Variants in CASZ1 observed in about 807,000 individuals in gnomAD.
CASZ1 encodes the protein castor zinc finger 1.
CASZ1 carries 28 observed loss-of-function variants against 135.2 expected under a neutral mutation model. The ratio of observed to expected loss-of-function variants is 0.21; its 90% CI spans 0.15 to 0.28. The LOEUF (loss-of-function observed/expected upper bound fraction) is 0.28, where lower values mean the gene tolerates loss of function less well. CASZ1 is among the 10% of genes least tolerant of loss of function. CASZ1 has a pLI of 1.00. For synonymous variants in CASZ1, 1,068 were observed against 1,073.4 expected (o/e 0.99, Z 0.10); for missense variants, 2,161 against 2,453.3 (o/e 0.88, Z 2.52).
Position 10,762,201 on chromosome 1 carries a change from A to G in CASZ1, c.-233-1344T>C, listed in dbSNP as rs1310483676. The stretch of plus-strand genomic sequence containing the variant: ...AGCTCTGCCCTACCTCGGCTGGGGC[A>G]ATGCCACCGAGACCAGCTCCCTGGG... On this transcript the variant is annotated intron_variant, in intron 1 of 20. Coordinates refer to ENST00000377022, the MANE Select transcript of CASZ1 (RefSeq NM_001079843.3). The surrounding 1 kb of genome is among the most constrained non-coding windows in gnomAD (Gnocchi z 4.1). Among the ~76,000 whole-genome samples, 4 of 148,770 alleles carry G rather than the reference A, an allele frequency of 2.7e-5. No individual in the cohort carries two copies. Among genetic ancestry groups the G allele is most frequent in the Admixed American group, 6.7e-5 (1 of 14,898 alleles).
At chr1:10,651,185 C>T (rs1355577014) in intron 11 of CASZ1, 109 bp from the exon 12 acceptor site, 3 of 881,040 alleles carry the variant, frequency 3.4e-6, no homozygotes, top group Non-Finnish European at 4.8e-6. Context: ...TGGGCCCCGG[C>T]TACTGGTCAG....
chr1:10,796,522 G>A (rs1042558856), intron 1 of CASZ1, 42 bp downstream of exon 1: 10 of 152,406 alleles, frequency 6.6e-5, no homozygotes, highest in Non-Finnish European at 1.3e-4. Flanking sequence ...GGAGCTGGGG[G>A]ACGTGGGGGG....
At chr1:10,732,765 G>A (rs1244523430) in intron 2 of CASZ1, among the ~76,000 whole-genome samples, 4 of 152,300 alleles carry the variant, frequency 2.6e-5, no homozygotes, top group Admixed American at 6.5e-5. Flanking sequence ...TGCAGGGGAC[G>A]TGGGATCCAG....
Position 10,653,671 on chromosome 1 carries a change from G to C in CASZ1, c.2386C>G (p.Pro796Ala). Reference sequence around the variant, plus strand: ...ATGGGGAAGTAGGGCGTGGGGGTGGGCAGGCCCGAGTTGGAGAGGGCCAGG... The same window carrying C: ...ATGGGGAAGTAGGGCGTGGGGGTGGCCAGGCCCGAGTTGGAGAGGGCCAGG... ...LALALSNSGL[P>A]TPTPYFPILA... Residue 796 changes from proline (P) to alanine (A), a missense_variant, in exon 11 of 21, where the codon CCC (proline) becomes GCC (alanine). By Grantham distance (27) the Pro-to-Ala change is conservative. This residue lies in a region of CASZ1 where 406 missense variants were observed against 387.6 expected (regional missense o/e 1.05). Coordinates refer to ENST00000377022, the MANE Select transcript of CASZ1 (RefSeq NM_001079843.3). The C allele has an allele frequency of 6.4e-7, 1 of 1,558,714 alleles. No homozygotes were observed. Among genetic ancestry groups the C allele is most frequent in the African/African-American group, 1.4e-5 (1 of 73,652 alleles).
At chr1:10,749,670 G>C (rs1329885889) in intron 2 of CASZ1, among the ~76,000 whole-genome samples, 1 of 152,070 alleles carries the variant, frequency 6.6e-6, no homozygotes, top group Non-Finnish European at 1.5e-5. Flanking sequence ...GGTTCTAAGT[G>C]GGGCCTCTTA....
Position 10,649,360 on chromosome 1 carries a change from G to T in CASZ1, c.2958C>A (p.Pro986=). The change falls in exon 14 of 21, where the codon CCC becomes CCA. Residue 986 remains proline (P), a synonymous_variant. Transcript: ENST00000377022. The part of the protein sequence containing the change: ...AEAEGSPAAE[P]SPFLGKAVKA... ...TCACGGCCTTGCCTAGGAAGGGCGA[G>T]GGCTCCGCAGCGGGGCTCCCCTCCG... 5 of 1,604,102 alleles carry T rather than the reference G, an allele frequency of 3.1e-6. No individual in the cohort carries two copies. The highest frequency in any genetic ancestry group is 4.3e-6 in the Non-Finnish European group (5 of 1,175,818).
Position 10,639,097 on chromosome 1 carries a change from C to T in CASZ1, c.5125G>A (p.Asp1709Asn), listed in dbSNP as rs1297496352. 2 of 1,138,506 alleles carry T rather than the reference C, an allele frequency of 1.8e-6. No homozygotes were observed. The highest frequency in any genetic ancestry group is 1.7e-5 in the African/African-American group (1 of 59,380). The allele number at this position is 1,138,506 out of a possible 1,614,324, so 70.5% of individuals were successfully genotyped here. Residue 1709 changes from aspartate to asparagine, a missense_variant, in exon 21 of 21, where the codon GAC becomes AAC. Physicochemically the swap from Asp to Asn is conservative, Grantham distance 23 (BLOSUM62 1). Transcript: ENST00000377022. This position sits in a 1 kb window ranked among gnomAD's most constrained non-coding sequence, Gnocchi z 4.0. The stretch of plus-strand genomic sequence containing the variant: ...GTGCGCAGGTCCTCGTCGTCGTCGT[C>T]CTCGTCGTCGTCCTCGTCGTCGTCG... Reference protein sequence around the residue: ...EDDDDEDDDEDDDDEDLRTDS... With the variant: ...EDDDDEDDDENDDDEDLRTDS...
At chr1:10,644,520 C>T (rs904400717) in intron 18 of CASZ1, among the ~76,000 whole-genome samples, 6 of 152,172 alleles carry the variant, frequency 3.9e-5, no homozygotes, top group Admixed American at 1.3e-4. Context: ...TAGCTCACTG[C>T]GGACAAAAAC....
At position 10,705,988 on chromosome 1, in the gene CASZ1, G is replaced by A. The variant is rs545652047; in HGVS notation, c.-76-444C>T. 3.3e-5 allele frequency among the ~76,000 whole-genome samples: 5 copies of A among 152,322 alleles called. No individual in the cohort carries two copies. In the South Asian group the frequency reaches 8.3e-4, roughly 25 times the overall value. On this transcript the variant is annotated intron_variant, in intron 2 of 20. Coordinates refer to ENST00000377022, the MANE Select transcript of CASZ1 (RefSeq NM_001079843.3). ...CAACTGCTCCTTTACTCTCTTCCCC[G>A]GGGCCCCTGAACATAAAAATGACAA...
At position 10,653,665 on chromosome 1, in the gene CASZ1, G is replaced by A; in HGVS notation, c.2392C>T (p.Pro798Ser). 1.3e-6 allele frequency: 2 copies of A among 1,557,604 alleles called. No homozygotes were observed. Among genetic ancestry groups the A allele is most frequent in the South Asian group, 2.4e-5 (2 of 81,824 alleles). The change falls in exon 11 of 21, where the codon CCC becomes TCC. Residue 798 changes from proline (P) to serine (S), a missense_variant. By Grantham distance (74) the Pro-to-Ser change is moderately conservative. Transcript: ENST00000377022. ...GCCAGTATGGGGAAGTAGGGCGTGGGGGTGGGCAGGCCCGAGTTGGAGAGG... is the reference window on the plus strand; with the variant it reads ...GCCAGTATGGGGAAGTAGGGCGTGGAGGTGGGCAGGCCCGAGTTGGAGAGG... The part of the protein sequence containing the change: ...LALSNSGLPT[P>S]TPYFPILAGR...
At chr1:10,773,888 C>G (rs778912733) in intron 1 of CASZ1, among the ~76,000 whole-genome samples, 3 of 152,228 alleles carry the variant, frequency 2.0e-5, no homozygotes, top group Non-Finnish European at 4.4e-5. Flanking sequence ...AGGGTGGGAG[C>G]AGCCCTGTCG....
At chr1:10,673,022 G>A (rs143353512) in intron 4 of CASZ1, among the ~76,000 whole-genome samples, 3,890 of 152,154 alleles carry the variant, frequency 0.026, 76 homozygotes, top group South Asian at 0.1. Context: ...AGGAAGGCAC[G>A]GTGGACGGCG....
chr1:10,641,311 C>G (rs1001971408), intron 20 of CASZ1, among the ~76,000 whole-genome samples: 3 of 152,232 alleles, frequency 2.0e-5, no homozygotes, highest in Admixed American at 1.3e-4. Flanking sequence ...TTCCAACAGC[C>G]GGAAGTCCCT....
rs1364751305 is a variant in CASZ1, at chr1:10,735,907, A to G, written c.-77+24794T>C. Among the ~76,000 whole-genome samples, 1 of 152,164 alleles carries G rather than the reference A, an allele frequency of 6.6e-6. No individual in the cohort carries two copies. The highest frequency in any genetic ancestry group is 1.5e-5 in the Non-Finnish European group (1 of 68,030). ...AGGTTGAAAATGTGCTTTTTCAGCC[A>G]GCTCTGGTCAAGTAGCTGCCCTGCG... On this transcript the variant is annotated intron_variant, in intron 2 of 20. Transcript: ENST00000377022. The surrounding 1 kb of genome is among the most constrained non-coding windows in gnomAD (Gnocchi z 5.1).
rs140217816 is a variant in CASZ1 at position 10,647,253 on chromosome 1, C to T, written c.3497+548G>A. On this transcript the variant is annotated intron_variant, in intron 16 of 20. Transcript: ENST00000377022. This position sits in a 1 kb window ranked among gnomAD's most constrained non-coding sequence, Gnocchi z 4.9. ...ATTACTTTTATTGAGAACAGGAAGC[C>T]GCACACATGACAATACAAAGTCACC... is the stretch of plus-strand genomic sequence containing the variant. 154 of 994,626 alleles carry T rather than the reference C, an allele frequency of 1.5e-4. 1 individual carries two copies. The African/African-American group carries it at 2.4e-3, about 16-fold the overall frequency. 61.6% of individuals were successfully genotyped at this position (994,626 alleles called of 1,614,324 possible).
chr1:10,648,450 AC>A (rs1642445173), intron 15 of CASZ1: 1 of 324,596 alleles, frequency 3.1e-6, no homozygotes, highest in African/African-American at 2.2e-5. Context: ...TCCTTCCAGA[AC>A]CTGCTCGGAG....
chr1:10,693,753 C>T (rs1287457743), intron 4 of CASZ1, 121 bp downstream of exon 4: 1 of 757,590 alleles, frequency 1.3e-6, no homozygotes, highest in Non-Finnish European at 2.3e-6. Flanking sequence ...GAGGCAGCCG[C>T]CCGACCCTCC....
Position 10,639,870 on chromosome 1 carries a change from G to A in CASZ1, c.4352C>T (p.Ser1451Leu). 1.9e-6 allele frequency: 3 copies of A among 1,612,222 alleles called. No individual in the cohort carries two copies. Among genetic ancestry groups the A allele is most frequent in the Non-Finnish European group, 2.5e-6 (3 of 1,179,684 alleles). ...EDCKDAACQF[S>L]LKVTHYHCTR... ...GCAGTGGTAGTGGGTGACCTTGAGC[G>A]AGAACTGACAAGCTGCGTCCTTGCA... Residue 1451 changes from serine (S) to leucine (L), a missense_variant, in exon 21 of 21, where the codon TCG becomes TTG. This residue lies in a region of CASZ1 where 240 missense variants were observed against 321.4 expected (regional missense o/e 0.75). Coordinates refer to ENST00000377022, the MANE Select transcript of CASZ1 (RefSeq NM_001079843.3). The surrounding 1 kb of genome is among the most constrained non-coding windows in gnomAD (Gnocchi z 4.0).
At chr1:10,673,402 C>A (rs1643468713) in intron 4 of CASZ1, among the ~76,000 whole-genome samples, 1 of 152,086 alleles carries the variant, frequency 6.6e-6, no homozygotes, top group African/African-American at 2.4e-5. Flanking sequence ...TCTCCCTTCG[C>A]CTAACAGCCT....
Sources: allele counts gnomAD v4.1 joint callset (sites outside exome capture counted in the v4.1 genomes callset), GRCh38; gene constraint gnomAD v4.1.1; regional missense constraint gnomAD v4.1.1; non-coding constraint Gnocchi (gnomAD v3.1); transcripts MANE v1.5; gene names NCBI Gene and HGNC (gene_info 2026-07-23, HGNC 2026-07-21).